FRMPD3: variants seen among roughly 807,000 people sequenced by gnomAD.
FRMPD3 encodes the protein FERM and PDZ domain containing 3.
A neutral mutation model predicts 97.9 loss-of-function variants in FRMPD3; 42 were observed. That is an observed-to-expected ratio of 0.43 (90% CI 0.34 to 0.55). The LOEUF (loss-of-function observed/expected upper bound fraction) is 0.55. Ranked by LOEUF, FRMPD3 falls within the 20% of genes least tolerant of loss-of-function variation. The pLI is 0.03. For synonymous variants in FRMPD3, 577 were observed against 581.1 expected (o/e 0.99, Z 0.10); for missense variants, 1,303 against 1,457.7 (o/e 0.89, Z 1.73).
intron 12 of FRMPD3, among the ~76,000 whole-genome samples, chrX:107,568,528 G>A (rs1922709278): frequency 1.0e-5 from 1 of 99,938 alleles, no homozygotes; most frequent in Admixed American, 1.1e-4. Context: ...TGGCCAACAT[G>A]GTGAAATCCT....
Position 107,588,558 on chromosome X carries a change from G to A in FRMPD3, c.1442-8763G>A, listed in dbSNP as rs746012707. ...CGTGAGCCACTGCACCCAGCCTTGC[G>A]GTTGATCTTCTCATGGAGTATCTTA... is the stretch of plus-strand genomic sequence containing the variant. On this transcript the variant is annotated intron_variant, in intron 13 of 14. Transcript: ENST00000683843. Among the ~76,000 whole-genome samples, 9 of 111,853 alleles carry A rather than the reference G, an allele frequency of 8.0e-5. No homozygotes were observed. The South Asian group carries it at 1.5e-3, about 18-fold the overall frequency.
intron 1 of FRMPD3, among the ~76,000 whole-genome samples, chrX:107,464,041 G>C (rs1931518921): frequency 9.0e-6 from 1 of 111,464 alleles, no homozygotes; most frequent in Non-Finnish European, 1.9e-5. Flanking sequence ...AAACTAGAAA[G>C]GGTCTCAGTG....
At chrX:107,489,151 C>T (rs1602758332) in intron 1 of FRMPD3, among the ~76,000 whole-genome samples, 2 of 109,694 alleles carry the variant, frequency 1.8e-5, no homozygotes, top group Non-Finnish European at 3.8e-5. Context: ...CATGTCCCTA[C>T]AAAGGACGTG....
intron 10 of FRMPD3, 22 bp from the exon 11 acceptor site, chrX:107,563,089 T>A: frequency 8.4e-7 from 1 of 1,184,450 alleles, no homozygotes; most frequent in Non-Finnish European, 1.1e-6. Context: ...CTTCTCATAT[T>A]TCTGGATGGG....
At chrX:107,587,317 T>TC (rs1365450661) in intron 13 of FRMPD3, among the ~76,000 whole-genome samples, 2 of 111,177 alleles carry the variant, frequency 1.8e-5, no homozygotes, top group African/African-American at 6.5e-5. Context: ...TTTTCCTCCA[T>TC]CCCCTTATTC....
chrX:107,468,421 A>T (rs915044007), intron 1 of FRMPD3, among the ~76,000 whole-genome samples: 4 of 112,416 alleles, frequency 3.6e-5, no homozygotes, highest in Non-Finnish European at 7.5e-5. Context: ...TGAACAGGAC[A>T]GACAAAATCC....
At chrX:107,512,771 C>T (rs934748128) in intron 1 of FRMPD3, among the ~76,000 whole-genome samples, 1 of 112,486 alleles carries the variant, frequency 8.9e-6, no homozygotes. Context: ...TTCATTGCTC[C>T]AGTTCCCCCT....
chrX:107,519,583 A>G (rs755123055), intron 1 of FRMPD3, among the ~76,000 whole-genome samples: 1 of 112,105 alleles, frequency 8.9e-6, no homozygotes, highest in East Asian at 2.8e-4. Flanking sequence ...AAGGAGTGGA[A>G]GGAAAAATCA....
At chrX:107,472,310 T>A (rs1921083710) in intron 1 of FRMPD3, among the ~76,000 whole-genome samples, 1 of 112,115 alleles carries the variant, frequency 8.9e-6, no homozygotes, top group African/African-American at 3.2e-5. Context: ...TAGATCTCAT[T>A]TGTCAATTTT....
intron 4 of FRMPD3, among the ~76,000 whole-genome samples, chrX:107,544,179 A>G (rs1921466127): frequency 9.0e-6 from 1 of 111,357 alleles, no homozygotes; most frequent in African/African-American, 3.3e-5. Context: ...TTACATGCGG[A>G]ATCTAAAAAA....
At chrX:107,533,240 G>A (rs907697156) in intron 3 of FRMPD3, among the ~76,000 whole-genome samples, 2 of 111,801 alleles carry the variant, frequency 1.8e-5, no homozygotes, top group Non-Finnish European at 3.8e-5. Context: ...ATGTGAGAAG[G>A]AATATGAAAA....
Position 107,592,920 on chromosome X carries a change from G to A in FRMPD3, c.1442-4401G>A, listed in dbSNP as rs779600558. On this transcript the variant is annotated intron_variant, in intron 13 of 14. Transcript: ENST00000683843. ...CAGCCTCTTGAGTAGCTGGGATTAC[G>A]GGCATGCACCACCATGCCTGGCTAA... Among the ~76,000 whole-genome samples the A allele has an allele frequency of 5.6e-5, 6 of 107,445 alleles. No individual in the cohort carries two copies. In the South Asian group the frequency reaches 1.7e-3, roughly 30 times the overall value. The allele number at this position is 107,445 out of a possible 115,157, so 93.3% of individuals were successfully genotyped here.
intron 1 of FRMPD3, among the ~76,000 whole-genome samples, chrX:107,462,175 A>T (rs1000414055): frequency 7.2e-5 from 8 of 111,887 alleles, no homozygotes; most frequent in African/African-American, 2.6e-4. Flanking sequence ...AAAAATATAG[A>T]GGAAAAAAAA....
intron 1 of FRMPD3, among the ~76,000 whole-genome samples, chrX:107,450,470 T>C (rs766339637): frequency 1.8e-5 from 2 of 109,153 alleles, no homozygotes; most frequent in East Asian, 5.9e-4. Context: ...CCCGGGGCCA[T>C]GTTCACAAGC....
intron 11 of FRMPD3, 143 bp downstream of exon 11, chrX:107,563,343 C>T (rs754268298): frequency 2.3e-6 from 1 of 444,370 alleles, no homozygotes; most frequent in Non-Finnish European, 3.8e-6. Context: ...CCTGGCCCTG[C>T]CTCTGCCAAA....
intron 1 of FRMPD3, among the ~76,000 whole-genome samples, chrX:107,452,844 A>G (rs1931312588): frequency 9.2e-6 from 1 of 108,130 alleles, no homozygotes; most frequent in Admixed American, 9.8e-5. Flanking sequence ...GTAGATTGAA[A>G]AAGTGCAACA....
chrX:107,522,340 A>G (rs1922534298), intron 1 of FRMPD3: 2 of 522,541 alleles, frequency 3.8e-6, no homozygotes, highest in African/African-American at 4.6e-5. Flanking sequence ...CATTCTCCCA[A>G]CAACACGGAG....
At chrX:107,554,646 C>G (rs1922002748) in intron 8 of FRMPD3, 142 bp downstream of exon 8, 6 of 790,503 alleles carry the variant, frequency 7.6e-6, no homozygotes, top group South Asian at 5.7e-5. Context: ...TTTCTGCTAC[C>G]ATCGTAGGCC....
In FRMPD3 at chrX:107,600,279, C is replaced by T. The variant is rs1018598460; in HGVS notation, c.2264-24C>T. ...AAGAACTTGATTTCAGTAAGCATAA[C>T]AAGCCCTATCCCTGTTCCTCCAGGT... On this transcript the variant is annotated intron_variant, in intron 14 of 14. Transcript: ENST00000683843. 28 of 1,179,328 alleles carry T rather than the reference C, an allele frequency of 2.4e-5. No homozygotes were observed. In the African/African-American group the frequency reaches 4.4e-4, roughly 19 times the overall value.
Sources: gnomAD v4.1 joint callset for allele counts (sites outside exome capture counted in the v4.1 genomes callset) on GRCh38, gnomAD v4.1.1 for gene constraint, MANE v1.5 for transcripts, NCBI Gene and HGNC (gene_info 2026-07-23, HGNC 2026-07-21) for gene names.